Variants in SCHIP1 observed in about 807,000 individuals in gnomAD.
The protein encoded by SCHIP1 is schwannomin interacting protein 1, also known as schwannomin-interacting protein 1.
In SCHIP1, 8 loss-of-function variants were observed where a neutral mutation model predicts 29.7. The observed-to-expected ratio is 0.27, with a 90% confidence interval of 0.16 to 0.49. The LOEUF (loss-of-function observed/expected upper bound fraction) is 0.49, where lower values mean the gene tolerates loss of function less well. SCHIP1 is among the 20% of genes least tolerant of loss of function. The probability of loss-of-function intolerance (pLI) is 0.99; values close to 1 mark genes in which losing one functional copy is unlikely to be tolerated. For missense variants in SCHIP1, 193 were observed against 294.6 expected (o/e 0.66, Z 2.52); for synonymous variants, 76 against 94.9 (o/e 0.80, Z 1.16).
the SCHIP1 span, among the ~76,000 whole-genome samples, chr3:159,576,963 A>G: frequency 6.6e-6 from 1 of 152,174 alleles, no homozygotes; most frequent in Non-Finnish European, 1.5e-5. Flanking sequence ...CAACTTATCT[A>G]AGTGCTTTGT....
the SCHIP1 span, among the ~76,000 whole-genome samples, chr3:159,446,904 T>C: frequency 6.6e-6 from 1 of 152,224 alleles, no homozygotes; most frequent in Admixed American, 6.5e-5. Flanking sequence ...CATGGTTCTC[T>C]ATAGATGAGG....
chr3:159,715,970 G>T, the SCHIP1 span, among the ~76,000 whole-genome samples: 1 of 152,170 alleles, frequency 6.6e-6, no homozygotes, highest in Admixed American at 6.5e-5. Flanking sequence ...AAGTTGAAAT[G>T]AAGGAAAAAA....
chr3:159,804,487 A>G, the SCHIP1 span, among the ~76,000 whole-genome samples: 1 of 152,212 alleles, frequency 6.6e-6, no homozygotes, highest in African/African-American at 2.4e-5. Context: ...ATGAGTATAC[A>G]ATGTCTTCCT....
At chr3:159,578,374 A>G in the SCHIP1 span, among the ~76,000 whole-genome samples, 1 of 152,212 alleles carries the variant, frequency 6.6e-6, no homozygotes, top group African/African-American at 2.4e-5. Context: ...ATGTTGAAAT[A>G]TTATGGGCAT....
At chr3:159,367,991 C>G in the SCHIP1 span, among the ~76,000 whole-genome samples, 2 of 152,114 alleles carry the variant, frequency 1.3e-5, no homozygotes, top group African/African-American at 4.8e-5. Context: ...TCCCCTATCT[C>G]TATTTCTATA....
chr3:159,636,738 A>C, the SCHIP1 span, among the ~76,000 whole-genome samples: 1 of 152,254 alleles, frequency 6.6e-6, no homozygotes, highest in Non-Finnish European at 1.5e-5. Flanking sequence ...TCAAGGGACT[A>C]CACGTTTAAA....
the SCHIP1 span, among the ~76,000 whole-genome samples, chr3:159,575,542 C>T: frequency 6.6e-6 from 1 of 152,194 alleles, no homozygotes; most frequent in Non-Finnish European, 1.5e-5. Flanking sequence ...CTCAAGCGAT[C>T]CTCCTAACTC....
At chr3:159,364,138 A>G in the SCHIP1 span, among the ~76,000 whole-genome samples, 1 of 152,218 alleles carries the variant, frequency 6.6e-6, no homozygotes, top group Non-Finnish European at 1.5e-5. Flanking sequence ...TGTTGGCAGC[A>G]CATCTTATCA....
the SCHIP1 span, among the ~76,000 whole-genome samples, chr3:159,520,490 C>T: frequency 5.9e-5 from 9 of 152,330 alleles, no homozygotes; most frequent in Admixed American, 2.6e-4. Context: ...TAGCATTACA[C>T]GCGCAGATAT....
the SCHIP1 span, among the ~76,000 whole-genome samples, chr3:159,428,121 G>T: frequency 6.8e-6 from 1 of 146,656 alleles, no homozygotes; most frequent in Non-Finnish European, 1.5e-5. Flanking sequence ...ATACCATTCA[G>T]GACATAGGCA....
the SCHIP1 span, among the ~76,000 whole-genome samples, chr3:159,321,170 G>A: frequency 1.1e-4 from 16 of 152,088 alleles, no homozygotes; most frequent in Admixed American, 2.0e-4. Flanking sequence ...TCACCACGTC[G>A]GCCCGGCTGG....
the SCHIP1 span, chr3:159,274,860 T>C: frequency 2.2e-5 from 13 of 580,984 alleles, no homozygotes; most frequent in Non-Finnish European, 2.8e-5. Flanking sequence ...TTTATATAAT[T>C]GTATTATAAA....
At chr3:159,278,359 C>T in the SCHIP1 span, among the ~76,000 whole-genome samples, 2 of 151,986 alleles carry the variant, frequency 1.3e-5, no homozygotes, top group East Asian at 3.9e-4. Context: ...AGATGCATCA[C>T]TTGGATCTAT....
chr3:159,418,117 T>A, the SCHIP1 span, among the ~76,000 whole-genome samples: 243 of 152,356 alleles, frequency 1.6e-3, no homozygotes, highest in African/African-American at 5.4e-3. Flanking sequence ...AGGTAACTAA[T>A]ACGTATGTCT....
chr3:159,297,050 C>T, the SCHIP1 span, among the ~76,000 whole-genome samples: 1 of 151,452 alleles, frequency 6.6e-6, no homozygotes, highest in African/African-American at 2.4e-5. Context: ...TTTCACTTAG[C>T]ATAATTTTTC....
the SCHIP1 span, among the ~76,000 whole-genome samples, chr3:159,661,630 A>C: frequency 6.6e-6 from 1 of 152,186 alleles, no homozygotes; most frequent in East Asian, 1.9e-4. Flanking sequence ...AGTTTAATTT[A>C]AATGTTTATC....
the SCHIP1 span, among the ~76,000 whole-genome samples, chr3:159,720,579 T>C: frequency 6.6e-6 from 1 of 150,954 alleles, no homozygotes; most frequent in African/African-American, 2.4e-5. Flanking sequence ...TCTTGTTTTC[T>C]TTTTTTTTCT....
the SCHIP1 span, among the ~76,000 whole-genome samples, chr3:159,317,007 G>C: frequency 6.6e-6 from 1 of 152,104 alleles, no homozygotes; most frequent in Non-Finnish European, 1.5e-5. Context: ...GTAGGTTGTG[G>C]GCGTTCTTCC....
chr3:159,416,727 A>G, the SCHIP1 span, among the ~76,000 whole-genome samples: 7 of 152,252 alleles, frequency 4.6e-5, no homozygotes. Context: ...GAAGAATTCA[A>G]TGGAAGTAGG....
Sources: gnomAD v4.1 joint callset for allele counts (sites outside exome capture counted in the v4.1 genomes callset) on GRCh38, gnomAD v4.1.1 for gene constraint, MANE v1.5 for transcripts, NCBI Gene and HGNC (gene_info 2026-07-23, HGNC 2026-07-21) for gene names.